Variants in HOXB3 observed in about 807,000 individuals in gnomAD.
HOXB3 encodes homeobox B3.
Under a neutral mutation model 29.2 loss-of-function variants are expected in HOXB3, and 17 were observed. The observed-to-expected ratio is 0.58, with a 90% CI of 0.40 to 0.87. The LOEUF (loss-of-function observed/expected upper bound fraction) is 0.87, where lower values mean the gene tolerates loss of function less well. HOXB3 is among the 40% of genes least tolerant of loss of function. The pLI is 0.00. For missense variants in HOXB3, 637 were observed against 616.3 expected, an observed-to-expected ratio of 1.03 and a Z score of -0.35; for synonymous variants, 317 against 285.9, an observed-to-expected ratio of 1.11 and a Z score of -1.10.
At chr17:48,580,550 A>G (rs955399140) in intron 1 of HOXB3, 1 of 152,116 alleles carries the variant, frequency 6.6e-6, no homozygotes, top group Non-Finnish European at 1.5e-5. Context: ...TGGGAGACCA[A>G]GCAGATGGGG....
chr17:48,586,437 A>C (rs1448727338), intron 1 of HOXB3, among the ~76,000 whole-genome samples: 1 of 152,134 alleles, frequency 6.6e-6, no homozygotes, highest in Non-Finnish European at 1.5e-5. Context: ...CGGTCTACAG[A>C]GGCGGAGGTG....
At chr17:48,577,070 AAG>A (rs2069789796) in intron 1 of HOXB3, 10 of 1,492,424 alleles carry the variant, frequency 6.7e-6, no homozygotes, top group Non-Finnish European at 9.0e-6. Flanking sequence ...TTGCCCCCGA[AAG>A]AGAGAGTCCT....
In HOXB3 at chr17:48,555,351, AGAGAGAGAGAGAGG is replaced by A. The variant is rs1351959658; in HGVS notation, c.-159+166_-159+179del. The A allele has an allele frequency of 5.7e-5, 28 of 488,128 alleles. No individual in the cohort carries two copies. In the African/African-American group the frequency reaches 8.8e-4, roughly 15 times the overall value. The allele number at this position is 488,128 out of a possible 1,614,324, so 30.2% of individuals were successfully genotyped here. On this transcript the variant is annotated intron_variant, in intron 3 of 4. Transcript: ENST00000498678. ...GAGAGAGAGGGAGAGAGAGAGAGAG[AGAGAGAGAGAGAGG>A]GAGGGAGGGAGGGAGGGAGGGAGGG...
chr17:48,576,768 G>A (rs2069778565), intron 1 of HOXB3: 1 of 1,613,764 alleles, frequency 6.2e-7, no homozygotes, highest in East Asian at 2.2e-5. Context: ...GGGCCCTCCG[G>A]CTGAGCCTGC....
At chr17:48,568,457 G>C (rs549354476) in intron 2 of HOXB3, among the ~76,000 whole-genome samples, 8 of 152,220 alleles carry the variant, frequency 5.3e-5, no homozygotes, top group Admixed American at 4.6e-4. Flanking sequence ...ACTGTAAATC[G>C]TCTGAAATAA....
intron 2 of HOXB3, among the ~76,000 whole-genome samples, chr17:48,569,215 C>T (rs1486284237): frequency 6.6e-6 from 1 of 152,002 alleles, no homozygotes; most frequent in Non-Finnish European, 1.5e-5. Flanking sequence ...ATCACGTGAC[C>T]GGGAGGGGGA....
intron 2 of HOXB3, among the ~76,000 whole-genome samples, chr17:48,564,096 G>A (rs1052431821): frequency 7.0e-6 from 1 of 142,218 alleles, no homozygotes. Context: ...TCTCATCTTC[G>A]TCTTCAATTC....
intron 2 of HOXB3, among the ~76,000 whole-genome samples, chr17:48,563,354 G>A (rs1270566401): frequency 1.3e-5 from 2 of 152,170 alleles, no homozygotes; most frequent in East Asian, 3.9e-4. Flanking sequence ...CAGAGAACAT[G>A]GGGTCTCTCT....
At chr17:48,552,825 A>C in intron 3 of HOXB3, 193 bp from the exon 4 acceptor site, 1 of 237,896 alleles carries the variant, frequency 4.2e-6, no homozygotes, top group Non-Finnish European at 8.2e-6. Flanking sequence ...AATAAAGACT[A>C]TATGCCTTTC....
At chr17:48,576,650 T>TGC in intron 1 of HOXB3, 257 of 567,518 alleles carry the variant, frequency 4.5e-4, no homozygotes, top group Middle Eastern at 1.9e-3. Context: ...CCCCCTCCTG[T>TGC]CCCCCCACCC....
chr17:48,575,714 G>T (rs1422204613), intron 1 of HOXB3: 2 of 145,518 alleles, frequency 1.4e-5, no homozygotes, highest in African/African-American at 5.5e-5. Flanking sequence ...AATAAACGAT[G>T]CAACATAATA....
chr17:48,562,911 A>G (rs1322974454), intron 2 of HOXB3, among the ~76,000 whole-genome samples: 1 of 152,188 alleles, frequency 6.6e-6, no homozygotes, highest in South Asian at 2.1e-4. Flanking sequence ...ATCCTCCTGC[A>G]TGGCTCCCTT....
At chr17:48,579,623 T>C (rs1294513056) in intron 1 of HOXB3, 1 of 160,024 alleles carries the variant, frequency 6.2e-6, no homozygotes, top group Non-Finnish European at 1.4e-5. Context: ...ACAATAACAT[T>C]AACCTCTTAA....
At position 48,554,880 on chromosome 17, in the gene HOXB3, G is replaced by A. The variant is rs2068901673; in HGVS notation, c.-159+651C>T. ...AGTGGGAAGAGAGAAAGGTGCTAAG[G>A]GGACCCAAGATCTGGGATCCAGAAC... On this transcript the variant is annotated intron_variant, in intron 3 of 4. Transcript: ENST00000498678. The surrounding 1 kb of genome is among the most constrained non-coding windows in gnomAD (Gnocchi z 4.1). 4 of 698,516 alleles carry A rather than the reference G, an allele frequency of 5.7e-6. No individual in the cohort carries two copies. Among genetic ancestry groups the A allele is most frequent in the Non-Finnish European group, 1.0e-5 (4 of 382,148 alleles). The allele number at this position is 698,516 out of a possible 1,614,324, so 43.3% of individuals were successfully genotyped here.
intron 2 of HOXB3, among the ~76,000 whole-genome samples, chr17:48,562,511 T>C (rs540295684): frequency 6.6e-6 from 1 of 152,338 alleles, no homozygotes; most frequent in African/African-American, 2.4e-5. Context: ...CTCTGCTCTC[T>C]GCTCTTGGGA....
intron 1 of HOXB3, among the ~76,000 whole-genome samples, chr17:48,587,432 T>G (rs997663678): frequency 9.9e-5 from 15 of 152,194 alleles, no homozygotes; most frequent in Non-Finnish European, 2.1e-4. Flanking sequence ...CTTCCGAGAT[T>G]GACCAGGTTG....
Position 48,550,889 on chromosome 17 carries a change from C to G in HOXB3, c.741G>C (p.Gln247His). The G allele has an allele frequency of 6.2e-7, 1 of 1,613,998 alleles. No homozygotes were observed. The highest frequency in any genetic ancestry group is 8.5e-7 in the Non-Finnish European group (1 of 1,179,936). ...ACGACGAGGCCAATCCCTTGGCCTT[C>G]TGGTCCTTCTTGTACTTCATGCGCC... ...QNRRMKYKKD[Q>H]KAKGLASSSG... Residue 247 changes from glutamine (Q) to histidine (H), a missense_variant, in exon 5 of 5, where the codon CAG becomes CAC. Transcript: ENST00000498678.
intron 3 of HOXB3, chr17:48,553,772 CAT>C (rs1027346853): frequency 1.3e-5 from 2 of 151,688 alleles, no homozygotes; most frequent in Admixed American, 6.6e-5. Flanking sequence ...TTCAAACTAA[CAT>C]AGGATTTTGT....
intron 1 of HOXB3, chr17:48,578,598 C>T: frequency 2.7e-6 from 1 of 375,468 alleles, no homozygotes; most frequent in East Asian, 7.3e-5. Flanking sequence ...TGCGGGGCGA[C>T]CCCCTCCTTG....
Sources: allele counts gnomAD v4.1 joint callset (sites outside exome capture counted in the v4.1 genomes callset), GRCh38; gene constraint gnomAD v4.1.1; non-coding constraint Gnocchi (gnomAD v3.1); transcripts MANE v1.5; gene names NCBI Gene and HGNC (gene_info 2026-07-23, HGNC 2026-07-21).